Variants in DNAH6 observed in about 807,000 individuals in gnomAD.
The protein encoded by DNAH6 is dynein axonemal heavy chain 6.
A neutral mutation model predicts 491.4 loss-of-function variants in DNAH6; 340 were observed. The ratio of observed to expected loss-of-function variants is 0.69; its 90% CI spans 0.63 to 0.76. The LOEUF is 0.76. Among genes scored for constraint, DNAH6 ranks in the 30% least tolerant of loss-of-function variants. The pLI is 0.00. For synonymous variants in DNAH6, 1,603 were observed against 1,686.1 expected, an observed-to-expected ratio of 0.95 and a Z score of 1.21; for missense variants, 4,443 against 4,972.2, an observed-to-expected ratio of 0.89 and a Z score of 3.20.
At chr2:84,618,402 A>G (rs1373154998) in intron 23 of DNAH6, among the ~76,000 whole-genome samples, 3 of 152,168 alleles carry the variant, frequency 2.0e-5, no homozygotes, top group Non-Finnish European at 2.9e-5. Flanking sequence ...GTCACATAGA[A>G]GAGCATCTCA....
intron 14 of DNAH6, among the ~76,000 whole-genome samples, chr2:84,583,357 TTGGCAC>T (rs1227661438): frequency 1.3e-5 from 2 of 152,136 alleles, no homozygotes; most frequent in African/African-American, 4.8e-5. Flanking sequence ...ACTTTAAATA[TTGGCAC>T]TGTTTAATAC....
chr2:84,638,835 T>C (rs1251547907), intron 31 of DNAH6, among the ~76,000 whole-genome samples: 1 of 152,098 alleles, frequency 6.6e-6, no homozygotes. Context: ...AAGGAGCTTT[T>C]ACTCATGGTG....
intron 63 of DNAH6, among the ~76,000 whole-genome samples, chr2:84,757,147 G>A (rs79779393): frequency 6.6e-6 from 1 of 152,156 alleles, no homozygotes; most frequent in African/African-American, 2.4e-5. Flanking sequence ...CTGCCATCAA[G>A]ATCTCCATGA....
At chr2:84,570,910 G>C (rs1681767045) in intron 11 of DNAH6, among the ~76,000 whole-genome samples, 1 of 152,160 alleles carries the variant, frequency 6.6e-6, no homozygotes, top group African/African-American at 2.4e-5. Flanking sequence ...CACTAATGAA[G>C]TCAGCAAGAC....
rs766637765 is a variant in DNAH6 at position 84,699,658 on chromosome 2, T to C, written c.7742T>C (p.Val2581Ala). 11 of 1,551,712 alleles carry C rather than the reference T, an allele frequency of 7.1e-6. No individual in the cohort carries two copies. The highest frequency in any genetic ancestry group is 1.2e-5 in the South Asian group (1 of 84,064). Residue 2581 changes from valine (V) to alanine (A), a missense_variant, in exon 48 of 77, where the codon GTT (valine) becomes GCT (alanine). Val to Ala is a moderately conservative substitution (Grantham distance 64). This residue lies in a region of DNAH6 where 2,977 missense variants were observed against 3,296.6 expected (regional missense o/e 0.90). Transcript: ENST00000389394. ...KLHIVLCMSP[V>A]GEAFRSRCRM... The stretch of plus-strand genomic sequence containing the variant: ...CACATTGTTCTCTGCATGAGCCCAG[T>C]TGGGGAGGCCTTTCGGTCCCGATGC...
chr2:84,745,073 T>C lies in DNAH6; in HGVS notation c.10343-7T>C, dbSNP rs1672838536. On this transcript the variant is annotated splice_region_variant and splice_polypyrimidine_tract_variant and intron_variant, in intron 62 of 76. Transcript: ENST00000389394. ...ATTAAATTATCTTTTTTAAATTGTATTTCCAGGATCTTTTGAGACTTATAT... is the reference window on the plus strand; with the variant it reads ...ATTAAATTATCTTTTTTAAATTGTACTTCCAGGATCTTTTGAGACTTATAT... 2.0e-6 allele frequency: 3 copies of C among 1,465,540 alleles called. No homozygotes were observed. The highest frequency in any genetic ancestry group is 2.9e-5 in the African/African-American group (2 of 69,516). The allele number at this position is 1,465,540 out of a possible 1,614,324, so 90.8% of individuals were successfully genotyped here.
chr2:84,753,906 C>A (rs12464062), intron 63 of DNAH6, among the ~76,000 whole-genome samples: 1 of 150,364 alleles, frequency 6.7e-6, no homozygotes, highest in Admixed American at 6.6e-5. Context: ...CTCACTGCAA[C>A]CTCCACCTCC....
At chr2:84,694,678 G>C (rs1275446303) in intron 46 of DNAH6, among the ~76,000 whole-genome samples, 198 bp downstream of exon 46, 1 of 152,056 alleles carries the variant, frequency 6.6e-6, no homozygotes, top group Non-Finnish European at 1.5e-5. Flanking sequence ...TAAATTCTTA[G>C]TAATTAAATT....
At chr2:84,765,237 T>C (rs1205757830) in intron 64 of DNAH6, among the ~76,000 whole-genome samples, 2 of 151,392 alleles carry the variant, frequency 1.3e-5, no homozygotes, top group East Asian at 3.9e-4. Flanking sequence ...ACCTTGGGAG[T>C]GGAGGTTAGG....
chr2:84,551,906 G>A (rs1679408060), intron 9 of DNAH6, among the ~76,000 whole-genome samples: 1 of 152,130 alleles, frequency 6.6e-6, no homozygotes, highest in South Asian at 2.1e-4. Flanking sequence ...AAATTAGCCA[G>A]GCATGGTGGT....
intron 59 of DNAH6, among the ~76,000 whole-genome samples, chr2:84,720,411 TG>T: frequency 6.7e-6 from 1 of 148,928 alleles, no homozygotes; most frequent in Non-Finnish European, 1.5e-5. Flanking sequence ...CCCAAGTAGC[TG>T]GGACTACAGG....
At chr2:84,500,574 A>G in the DNAH6 span, among the ~76,000 whole-genome samples, 119 of 152,146 alleles carry the variant, frequency 7.8e-4, 1 homozygote, top group African/African-American at 2.7e-3. Context: ...GAAGAATGTC[A>G]TTGATAATTT....
At chr2:84,537,524 A>T (rs183120851) in intron 4 of DNAH6, among the ~76,000 whole-genome samples, 1 of 152,182 alleles carries the variant, frequency 6.6e-6, no homozygotes, top group East Asian at 1.9e-4. Flanking sequence ...AAGGACTCCA[A>T]TGGGAAAGTA....
intron 21 of DNAH6, among the ~76,000 whole-genome samples, chr2:84,608,920 C>T (rs1232652525): frequency 6.6e-6 from 1 of 152,210 alleles, no homozygotes; most frequent in Non-Finnish European, 1.5e-5. Context: ...TAGCCACCTT[C>T]ATCAATGATC....
chr2:84,514,779 G>A (rs1317558829), upstream of DNAH6, among the ~76,000 whole-genome samples: 1 of 151,934 alleles, frequency 6.6e-6, no homozygotes, highest in Non-Finnish European at 1.5e-5. Context: ...TAAGCTTGGA[G>A]AGATTTGATG....
In DNAH6 at chr2:84,785,597, T is replaced by C. The variant is rs1316620593; in HGVS notation, c.10954-13T>C. The C allele has an allele frequency of 1.3e-6, 2 of 1,516,870 alleles. No individual in the cohort carries two copies. Among genetic ancestry groups the C allele is most frequent in the African/African-American group, 2.8e-5 (2 of 70,750 alleles). 94.0% of individuals were successfully genotyped at this position (1,516,870 alleles called of 1,614,324 possible). ...ATCACTCTCTCTGCCACATATATTC[T>C]ATCTAAATCCAGGTGACCAATGAGC... On this transcript the variant is annotated splice_polypyrimidine_tract_variant and intron_variant, in intron 66 of 76. Transcript: ENST00000389394.
intron 9 of DNAH6, 146 bp downstream of exon 9, chr2:84,550,203 G>A (rs1354111243): frequency 6.1e-6 from 4 of 653,484 alleles, no homozygotes; most frequent in Admixed American, 3.2e-5. Context: ...TTGGACACCA[G>A]AGACCAGTTT....
At chr2:84,796,026 A>G (rs1270190778) in intron 68 of DNAH6, among the ~76,000 whole-genome samples, 2 of 152,244 alleles carry the variant, frequency 1.3e-5, no homozygotes, top group Non-Finnish European at 2.9e-5. Context: ...AAAGAACAAA[A>G]ACAAAAAAGA....
At chr2:84,812,947 G>C (rs915668294) in intron 73 of DNAH6, 111 bp from the exon 74 acceptor site, 1 of 861,348 alleles carries the variant, frequency 1.2e-6, no homozygotes, top group Non-Finnish European at 1.8e-6. Context: ...GACTAACTCA[G>C]GGCTGCTTTA....
Sources: gnomAD v4.1 joint callset for allele counts (sites outside exome capture counted in the v4.1 genomes callset) on GRCh38, gnomAD v4.1.1 for gene constraint, gnomAD v4.1.1 regional missense constraint, MANE v1.5 for transcripts, NCBI Gene and HGNC (gene_info 2026-07-23, HGNC 2026-07-21) for gene names.